The following SCN2A variants were observed in gnomAD, a reference collection of about 807,000 sequenced individuals.
SCN2A encodes sodium channel protein type 2 subunit alpha.
In SCN2A, 20 loss-of-function variants were observed where a neutral mutation model predicts 188.7. That is an observed-to-expected ratio of 0.11 (90% CI 0.07 to 0.15). SCN2A has a LOEUF of 0.15. Among genes scored for constraint, SCN2A ranks in the 10% least tolerant of loss-of-function variants. The probability of loss-of-function intolerance (pLI) is 1.00; values close to 1 mark genes in which losing one functional copy is unlikely to be tolerated. For synonymous variants in SCN2A, 804 were observed against 833.1 expected (o/e 0.97, Z 0.60); for missense variants, 1,278 against 2,445.0 (o/e 0.52, Z 10.07).
chr2:165,364,588 T>C (rs1243663218), intron 17 of SCN2A, among the ~76,000 whole-genome samples: 2 of 152,166 alleles, frequency 1.3e-5, no homozygotes, highest in Non-Finnish European at 2.9e-5. Context: ...TAGCTAACAA[T>C]GTGCTGCTCT....
chr2:165,341,659 C>T (rs912780874), intron 14 of SCN2A, among the ~76,000 whole-genome samples: 3 of 152,202 alleles, frequency 2.0e-5, no homozygotes, highest in African/African-American at 4.8e-5. Flanking sequence ...GGCTGACTTT[C>T]ATCACCTCTA....
In SCN2A at chr2:165,323,295, A is replaced by G; in HGVS notation, c.1811A>G (p.Asn604Ser). The change falls in exon 12 of 27, where the codon AAT becomes AGT. Residue 604 changes from asparagine to serine, a missense_variant. By Grantham distance (46) the Asn-to-Ser change is conservative. This residue lies in a region of SCN2A where 315 missense variants were observed against 386.6 expected (regional missense o/e 0.81). Coordinates refer to ENST00000375437, the MANE Select transcript of SCN2A (RefSeq NM_001040142.2). Reference protein sequence around the residue: ...ADDEHSTFEDNDSRRDSLFVP... With the variant: ...ADDEHSTFEDSDSRRDSLFVP... ...GATGAGCACAGCACCTTTGAGGACA[A>G]TGACAGCCGAAGAGACTCTCTGTTC... The G allele has an allele frequency of 6.2e-7, 1 of 1,614,192 alleles. No homozygotes were observed. Among genetic ancestry groups the G allele is most frequent in the Non-Finnish European group, 8.5e-7 (1 of 1,180,032 alleles).
At chr2:165,291,575 T>TCCTTTCTCTCTCTCTC (rs1460696524) in intron 1 of SCN2A, among the ~76,000 whole-genome samples, 20 of 70,570 alleles carry the variant, frequency 2.8e-4, no homozygotes, top group African/African-American at 7.9e-4. Flanking sequence ...CTTCCTTCCT[T>TCCTTTCTCTCTCTCTC]TCTCTCTCTC....
chr2:165,296,829 A>G, intron 2 of SCN2A, 188 bp from the exon 3 acceptor site: 1 of 408,764 alleles, frequency 2.4e-6, no homozygotes, highest in Non-Finnish European at 4.4e-6. Flanking sequence ...CATGTCATTT[A>G]TCAAATTTAG....
At chr2:165,262,498 C>T (rs1027947981) in intron 1 of SCN2A, among the ~76,000 whole-genome samples, 3 of 152,112 alleles carry the variant, frequency 2.0e-5, no homozygotes, top group Non-Finnish European at 4.4e-5. Context: ...AGTTACTTCA[C>T]TTAGAATAAT....
rs188457739 is a variant in SCN2A at position 165,375,407 on chromosome 2, G to A, written c.4254+441G>A. On this transcript the variant is annotated intron_variant, in intron 22 of 26. Transcript: ENST00000375437. Reference sequence around the variant, plus strand: ...TGTGTGTGTGTACATATATGTATATGTATATATATACACACACGTATTTCT... The same window carrying A: ...TGTGTGTGTGTACATATATGTATATATATATATATACACACACGTATTTCT... Among the ~76,000 whole-genome samples the A allele has an allele frequency of 6.4e-4, 97 of 151,344 alleles. 11 individuals are homozygous for A. In the East Asian group the frequency reaches 0.018, roughly 28 times the overall value.
chr2:165,353,047 A>G (rs913459987), intron 16 of SCN2A, among the ~76,000 whole-genome samples: 2 of 150,386 alleles, frequency 1.3e-5, no homozygotes, highest in Non-Finnish European at 1.5e-5. Flanking sequence ...TTTCTTCGTA[A>G]GTTGTCTTTT....
At chr2:165,365,956 A>G (rs1351115322) in intron 18 of SCN2A, among the ~76,000 whole-genome samples, 1 of 151,974 alleles carries the variant, frequency 6.6e-6, no homozygotes, top group East Asian at 1.9e-4. Flanking sequence ...ACCACCAAAA[A>G]CCCTGGGCTC....
In SCN2A at chr2:165,379,177, C is replaced by T. The variant is rs564021715; in HGVS notation, c.4309-1415C>T. 9.2e-5 allele frequency among the ~76,000 whole-genome samples: 14 copies of T among 151,372 alleles called. No individual in the cohort carries two copies. The East Asian group carries it at 1.9e-3, about 21-fold the overall frequency. ...CAAAAATGAATATAACTTTTTTTTG[C>T]ACTTGCAAAAAACTGGGAGCAACTC... On this transcript the variant is annotated intron_variant, in intron 23 of 26. Transcript: ENST00000375437.
intron 26 of SCN2A, among the ~76,000 whole-genome samples, chr2:165,388,175 A>C (rs1701969532): frequency 6.6e-6 from 1 of 152,130 alleles, no homozygotes; most frequent in African/African-American, 2.4e-5. Context: ...TCCAAAGCCT[A>C]TGTTTTCTTC....
In SCN2A at chr2:165,388,872, T is replaced by C. The variant is rs766554576; in HGVS notation, c.5066T>C (p.Val1689Ala). The stretch of plus-strand genomic sequence containing the variant: ...AATTTTGCCTATGTTAAGAGGGAAG[T>C]TGGGATCGATGACATGTTCAACTTT... ...MSNFAYVKRE[V>A]GIDDMFNFET... Residue 1689 changes from valine to alanine, a missense_variant, in exon 27 of 27, where the codon GTT (valine) becomes GCT (alanine). By Grantham distance (64) the Val-to-Ala change is moderately conservative. Around this residue, in one of 17 missense-constraint regions of SCN2A, gnomAD observed 47 missense variants for 109.0 expected, o/e 0.43. Transcript: ENST00000375437. 2 of 1,614,102 alleles carry C rather than the reference T, an allele frequency of 1.2e-6. No homozygotes were observed. Among genetic ancestry groups the C allele is most frequent in the Non-Finnish European group, 1.7e-6 (2 of 1,179,992 alleles).
At chr2:165,274,102 A>C (rs1184009295) in intron 1 of SCN2A, 2 of 152,188 alleles carry the variant, frequency 1.3e-5, no homozygotes, top group Non-Finnish European at 2.9e-5. Flanking sequence ...GCATGAAGCT[A>C]TACAAAATAT....
At chr2:165,345,034 A>C in intron 16 of SCN2A, 123 bp downstream of exon 16, 1 of 1,228,700 alleles carries the variant, frequency 8.1e-7, no homozygotes, top group Non-Finnish European at 1.2e-6. Flanking sequence ...TCTATTACTC[A>C]TGACTGTAAG....
intron 1 of SCN2A, chr2:165,241,248 TTTC>T (rs1693611204): frequency 1.3e-5 from 2 of 152,146 alleles, no homozygotes; most frequent in African/African-American, 2.4e-5. Context: ...AGTGCTCAAT[TTTC>T]TTAGGTTTCT....
At chr2:165,271,268 C>T (rs1695091736) in intron 1 of SCN2A, 1 of 152,018 alleles carries the variant, frequency 6.6e-6, no homozygotes, top group Non-Finnish European at 1.5e-5. Context: ...TGAGCAAAGA[C>T]CCAGAAGGAG....
At chr2:165,371,305 T>A (rs1028083516) in intron 20 of SCN2A, 7 of 152,234 alleles carry the variant, frequency 4.6e-5, no homozygotes, top group Non-Finnish European at 8.8e-5. Context: ...TATGATAGTA[T>A]ATGAAACTGA....
chr2:165,265,481 A>C (rs1208469027), intron 1 of SCN2A, among the ~76,000 whole-genome samples: 1,302 of 102,748 alleles, frequency 0.013, 63 homozygotes, highest in East Asian at 0.12. Context: ...CTATATATAT[A>C]TATATATATA....
Position 165,386,949 on chromosome 2 carries a change from T to G in SCN2A, c.4755T>G (p.Leu1585=). Reference sequence around the variant, plus strand: ...AATGTGTGCTGAAACTGATCTCTCTTCGTTACTACTATTTCACTATTGGAT... The same window carrying G: ...AATGTGTGCTGAAACTGATCTCTCTGCGTTACTACTATTTCACTATTGGAT... The part of the protein sequence containing the change: ...TGECVLKLIS[L]RYYYFTIGWN... Residue 1585 remains leucine (L), a synonymous_variant, in exon 26 of 27, where the codon CTT becomes CTG. Coordinates refer to ENST00000375437, the MANE Select transcript of SCN2A (RefSeq NM_001040142.2). 2 of 1,613,882 alleles carry G rather than the reference T, an allele frequency of 1.2e-6. No individual in the cohort carries two copies. Among genetic ancestry groups the G allele is most frequent in the Non-Finnish European group, 1.7e-6 (2 of 1,179,818 alleles).
intron 10 of SCN2A, among the ~76,000 whole-genome samples, chr2:165,314,818 T>C (rs1697644354): frequency 6.6e-6 from 1 of 152,208 alleles, no homozygotes; most frequent in Non-Finnish European, 1.5e-5. Flanking sequence ...TGAATACAAT[T>C]CCCTTTTATT....
Sources: gnomAD v4.1 joint callset for allele counts (sites outside exome capture counted in the v4.1 genomes callset) on GRCh38, gnomAD v4.1.1 for gene constraint, gnomAD v4.1.1 regional missense constraint, MANE v1.5 for transcripts, NCBI Gene and HGNC (gene_info 2026-07-23, HGNC 2026-07-21) for gene names.